Variants in ZC3H3 observed in about 807,000 individuals in gnomAD.
ZC3H3 encodes zinc finger CCCH-type containing 3, also known as zinc finger CCCH domain-containing protein 3.
In ZC3H3, 36 loss-of-function variants were observed where a neutral mutation model predicts 77.3. The ratio of observed to expected loss-of-function variants is 0.47; its 90% CI spans 0.36 to 0.61. The LOEUF is 0.61. Among genes scored for constraint, ZC3H3 ranks in the 20% least tolerant of loss-of-function variants. The pLI is 0.00. For synonymous variants in ZC3H3, 626 were observed against 555.2 expected, an observed-to-expected ratio of 1.13 and a Z score of -1.79; for missense variants, 1,331 against 1,312.2, an observed-to-expected ratio of 1.01 and a Z score of -0.22.
intron 5 of ZC3H3, among the ~76,000 whole-genome samples, chr8:143,469,211 C>T (rs1820496389): frequency 6.6e-6 from 1 of 152,256 alleles, no homozygotes; most frequent in Non-Finnish European, 1.5e-5. Context: ...CAGCACCTCC[C>T]TCTGCCAGGG....
At chr8:143,456,627 T>C (rs1407687674) in intron 9 of ZC3H3, among the ~76,000 whole-genome samples, 2 of 152,182 alleles carry the variant, frequency 1.3e-5, no homozygotes, top group Admixed American at 1.3e-4. Flanking sequence ...CCCGGCACTT[T>C]GGGAGGCCAA....
chr8:143,497,354 C>T (rs1406494762), intron 4 of ZC3H3, among the ~76,000 whole-genome samples: 2 of 152,130 alleles, frequency 1.3e-5, no homozygotes, highest in South Asian at 2.1e-4. Flanking sequence ...CAATCCCCCC[C>T]AACCCCGCCA....
Position 143,437,743 on chromosome 8 carries a change from G to A in ZC3H3, c.*313C>T. 2 of 448,398 alleles carry A rather than the reference G, an allele frequency of 4.5e-6. No homozygotes were observed. The highest frequency in any genetic ancestry group is 2.7e-5 in the South Asian group (1 of 37,298). The allele number at this position is 448,398 out of a possible 1,614,324, so 27.8% of individuals were successfully genotyped here. On this transcript the variant is annotated 3_prime_UTR_variant, in exon 12 of 12. Coordinates refer to ENST00000262577, the MANE Select transcript of ZC3H3 (RefSeq NM_015117.3). Reference sequence around the variant, plus strand: ...GCCTCTTCACTGGGCCGAAAACCTGGGTGGGGAGGGCTGGGGGCTGCAGGG... The same window carrying A: ...GCCTCTTCACTGGGCCGAAAACCTGAGTGGGGAGGGCTGGGGGCTGCAGGG...
In ZC3H3 at chr8:143,441,090, C is replaced by T. The variant is rs769724346; in HGVS notation, c.2338G>A (p.Asp780Asn). The T allele has an allele frequency of 6.2e-6, 9 of 1,459,046 alleles. No homozygotes were observed. In the African/African-American group the frequency reaches 7.4e-5, roughly 12 times the overall value. The allele number at this position is 1,459,046 out of a possible 1,614,324, so 90.4% of individuals were successfully genotyped here. Residue 780 changes from aspartate (D) to asparagine (N), a missense_variant, in exon 10 of 12, where the codon GAC becomes AAC. Physicochemically the swap from Asp to Asn is conservative, Grantham distance 23 (BLOSUM62 1). Coordinates refer to ENST00000262577, the MANE Select transcript of ZC3H3 (RefSeq NM_015117.3). ...GGACACGCCCCCCTGCGGGCAAAGTCGGGGCACAGCAGCGTGTGTTTCTTC... is the reference window on the plus strand; with the variant it reads ...GGACACGCCCCCCTGCGGGCAAAGTTGGGGCACAGCAGCGTGTGTTTCTTC... Reference protein sequence around the residue: ...CKKKHTLLCPDFARRGACPRG... With the variant: ...CKKKHTLLCPNFARRGACPRG...
chr8:143,523,404 GT>G, intron 3 of ZC3H3: 4 of 985,458 alleles, frequency 4.1e-6, no homozygotes, highest in Non-Finnish European at 3.6e-6. Flanking sequence ...TGCAGTTCAT[GT>G]TTTCCCGGTG....
intron 4 of ZC3H3, among the ~76,000 whole-genome samples, chr8:143,492,568 C>A (rs1181869308): frequency 6.6e-6 from 1 of 152,238 alleles, no homozygotes; most frequent in African/African-American, 2.4e-5. Flanking sequence ...GCTCAGCTCC[C>A]CAGGGACTGA....
At chr8:143,524,899 C>T (rs901045995) in intron 3 of ZC3H3, among the ~76,000 whole-genome samples, 1 of 152,252 alleles carries the variant, frequency 6.6e-6, no homozygotes, top group Non-Finnish European at 1.5e-5. Context: ...GGCACATGTA[C>T]CAGCCCCTGG....
chr8:143,440,904 G>A (rs764272334), intron 10 of ZC3H3, 32 bp downstream of exon 10: 3 of 1,368,170 alleles, frequency 2.2e-6, no homozygotes, highest in African/African-American at 3.0e-5. Flanking sequence ...GGCCACCCAG[G>A]CTCACATGCA....
intron 3 of ZC3H3, among the ~76,000 whole-genome samples, chr8:143,509,969 G>T (rs7833664): frequency 0.028 from 4,239 of 152,228 alleles, 177 homozygotes; most frequent in African/African-American, 0.096. Context: ...TCCCAGCCCC[G>T]ACTGCACACA....
intron 4 of ZC3H3, among the ~76,000 whole-genome samples, chr8:143,502,046 G>A (rs185292067): frequency 5.3e-5 from 8 of 152,216 alleles, no homozygotes; most frequent in Admixed American, 2.6e-4. Flanking sequence ...GAGTGCACAC[G>A]CACTCACCAC....
chr8:143,483,574 A>T (rs1820966778), intron 4 of ZC3H3, among the ~76,000 whole-genome samples: 1 of 152,152 alleles, frequency 6.6e-6, no homozygotes, highest in Non-Finnish European at 1.5e-5. Context: ...AGAGGCGTGC[A>T]GTGGGGGTGC....
At chr8:143,520,440 GC>G (rs1822205611) in intron 3 of ZC3H3, among the ~76,000 whole-genome samples, 1 of 152,142 alleles carries the variant, frequency 6.6e-6, no homozygotes, top group South Asian at 2.1e-4. Context: ...CCCACCCTGC[GC>G]CCCCACACAG....
intron 3 of ZC3H3, among the ~76,000 whole-genome samples, chr8:143,519,638 G>A (rs1250252271): frequency 2.0e-5 from 3 of 152,146 alleles, no homozygotes; most frequent in Non-Finnish European, 4.4e-5. Context: ...AGCGTGCCGT[G>A]CTGTGTGCGT....
At chr8:143,472,772 G>C (rs2129894975) in intron 5 of ZC3H3, among the ~76,000 whole-genome samples, 1 of 152,344 alleles carries the variant, frequency 6.6e-6, no homozygotes, top group South Asian at 2.1e-4. Flanking sequence ...CATGCCACAA[G>C]CCCCTCCGTG....
chr8:143,509,632 G>A (rs533294523), intron 3 of ZC3H3, among the ~76,000 whole-genome samples: 27 of 152,354 alleles, frequency 1.8e-4, no homozygotes, highest in Middle Eastern at 3.4e-3. Flanking sequence ...CTGGGACGCA[G>A]AGCCTGGGGC....
chr8:143,517,609 C>T (rs371456039), intron 3 of ZC3H3, among the ~76,000 whole-genome samples: 22 of 152,154 alleles, frequency 1.4e-4, no homozygotes, highest in African/African-American at 5.3e-4. Context: ...GCTCTGTGAA[C>T]GACGTCTCCC....
Position 143,539,212 on chromosome 8 carries a change from G to A in ZC3H3, c.155C>T (p.Ala52Val), listed in dbSNP as rs1375209986. The change falls in exon 2 of 12, where the codon GCC (alanine) becomes GTC (valine). Residue 52 changes from alanine to valine, a missense_variant. Coordinates refer to ENST00000262577, the MANE Select transcript of ZC3H3 (RefSeq NM_015117.3). ...PTYHSGRAFS[A>V]RYPRPSRRGY... Reference sequence around the variant, plus strand: ...CCTCCGGCTTGGACGAGGGTAGCGGGCACTAAAGGCTCTGCCACTGTGGTA... The same window carrying A: ...CCTCCGGCTTGGACGAGGGTAGCGGACACTAAAGGCTCTGCCACTGTGGTA... 3.1e-6 allele frequency: 5 copies of A among 1,612,922 alleles called. No individual in the cohort carries two copies. Among genetic ancestry groups the A allele is most frequent in the East Asian group, 2.2e-5 (1 of 44,878 alleles).
chr8:143,483,370 G>A (rs972660175), intron 4 of ZC3H3, among the ~76,000 whole-genome samples: 14 of 152,334 alleles, frequency 9.2e-5, no homozygotes, highest in Admixed American at 3.9e-4. Flanking sequence ...TGCGGCCCCC[G>A]AATGGGTTGG....
intron 3 of ZC3H3, chr8:143,523,626 C>T (rs1007346099): frequency 1.3e-6 from 1 of 796,970 alleles, no homozygotes; most frequent in African/African-American, 1.9e-5. Flanking sequence ...CTGTCCTCAT[C>T]CAGCTTGGGC....
Sources: gnomAD v4.1 joint callset for allele counts (sites outside exome capture counted in the v4.1 genomes callset) on GRCh38, gnomAD v4.1.1 for gene constraint, MANE v1.5 for transcripts, NCBI Gene and HGNC (gene_info 2026-07-23, HGNC 2026-07-21) for gene names.